Variants in UBASH3B observed in about 807,000 individuals in gnomAD.
The protein encoded by UBASH3B is ubiquitin associated and SH3 domain containing B.
In UBASH3B, 37 loss-of-function variants were observed where a neutral mutation model predicts 83.4. That is an observed-to-expected ratio of 0.44 (90% CI 0.34 to 0.58). The LOEUF (loss-of-function observed/expected upper bound fraction) is 0.58, where lower values mean the gene tolerates loss of function less well. UBASH3B is among the 20% of genes least tolerant of loss of function. The pLI, the probability that UBASH3B is intolerant of heterozygous loss-of-function variation, is 0.01. For missense variants in UBASH3B, 657 were observed against 827.2 expected, an observed-to-expected ratio of 0.79 and a Z score of 2.52; for synonymous variants, 304 against 318.3, an observed-to-expected ratio of 0.96 and a Z score of 0.48.
intron 1 of UBASH3B, among the ~76,000 whole-genome samples, chr11:122,683,371 G>A (rs956942719): frequency 2.0e-5 from 3 of 151,814 alleles, no homozygotes; most frequent in African/African-American, 7.3e-5. Flanking sequence ...TCCCAGCAGT[G>A]TGGGAGGCCA....
At chr11:122,715,100 C>A (rs566461867) in intron 1 of UBASH3B, among the ~76,000 whole-genome samples, 1 of 152,134 alleles carries the variant, frequency 6.6e-6, no homozygotes, top group Non-Finnish European at 1.5e-5. Context: ...CGCCCACTAC[C>A]ACACCCGGCT....
At chr11:122,701,031 A>G (rs1449573781) in intron 1 of UBASH3B, among the ~76,000 whole-genome samples, 9 of 152,116 alleles carry the variant, frequency 5.9e-5, no homozygotes, top group Admixed American at 5.9e-4. Flanking sequence ...GTTATGGGGT[A>G]TATTTTCTGT....
chr11:122,668,349 T>G (rs1464922005), intron 1 of UBASH3B, among the ~76,000 whole-genome samples: 1 of 152,222 alleles, frequency 6.6e-6, no homozygotes, highest in Non-Finnish European at 1.5e-5. Context: ...ATCTGTTCTC[T>G]GAATTAGCCT....
intron 1 of UBASH3B, among the ~76,000 whole-genome samples, chr11:122,675,158 C>T (rs760859081): frequency 2.6e-5 from 4 of 152,160 alleles, no homozygotes; most frequent in South Asian, 2.1e-4. Flanking sequence ...TTATTAGACC[C>T]GTGTTTATGG....
At chr11:122,664,947 C>T (rs962139803) in intron 1 of UBASH3B, among the ~76,000 whole-genome samples, 13 of 152,206 alleles carry the variant, frequency 8.5e-5, no homozygotes, top group African/African-American at 2.7e-4. Context: ...CTCGCTCTGT[C>T]GCCCAGGCTG....
chr11:122,705,720 T>C (rs1366364734), intron 1 of UBASH3B, among the ~76,000 whole-genome samples: 2 of 152,118 alleles, frequency 1.3e-5, no homozygotes, highest in African/African-American at 4.8e-5. Flanking sequence ...CATGGGGGCA[T>C]CCACTGCCAT....
rs1380161171 is a variant in UBASH3B at position 122,759,381 on chromosome 11, A to G, written c.162-16838A>G. Among the ~76,000 whole-genome samples, 1 of 152,184 alleles carries G rather than the reference A, an allele frequency of 6.6e-6. No individual in the cohort carries two copies. Among genetic ancestry groups the G allele is most frequent in the African/African-American group, 2.4e-5 (1 of 41,438 alleles). On this transcript the variant is annotated intron_variant, in intron 1 of 13. Transcript: ENST00000284273. This position sits in a 1 kb window ranked among gnomAD's most constrained non-coding sequence, Gnocchi z 4.1. ...ACCAGGAACCGGTTTTGTGGAAGAC[A>G]GTTTTTCCACTGACCCGGGTGGTGG...
chr11:122,784,832 C>G (rs577277093), intron 5 of UBASH3B, among the ~76,000 whole-genome samples: 1 of 152,202 alleles, frequency 6.6e-6, no homozygotes, highest in Non-Finnish European at 1.5e-5. Flanking sequence ...GTGATGTCCT[C>G]CTTTTGAGTC....
At chr11:122,805,508 G>A (rs375135591) in intron 11 of UBASH3B, among the ~76,000 whole-genome samples, 1 of 151,980 alleles carries the variant, frequency 6.6e-6, no homozygotes, top group South Asian at 2.1e-4. Context: ...CTCCGGCCTG[G>A]GCAACAAGAG....
Position 122,806,119 on chromosome 11 carries a change from A to T in UBASH3B, c.1596-291A>T, listed in dbSNP as rs1861336056. Among the ~76,000 whole-genome samples, 1 of 152,156 alleles carries T rather than the reference A, an allele frequency of 6.6e-6. No homozygotes were observed. Among genetic ancestry groups the T allele is most frequent in the South Asian group, 2.1e-4 (1 of 4,828 alleles). ...TTGTATTAGCTATGTGACTAGGACC[A>T]TCCATCAATGGCTTATTTGTTATCC... is the stretch of plus-strand genomic sequence containing the variant. On this transcript the variant is annotated intron_variant, in intron 11 of 13. Transcript: ENST00000284273. The surrounding 1 kb of genome is among the most constrained non-coding windows in gnomAD (Gnocchi z 4.0).
At position 122,754,874 on chromosome 11, in the gene UBASH3B, C is replaced by A. The variant is rs548182543; in HGVS notation, c.162-21345C>A. On this transcript the variant is annotated intron_variant, in intron 1 of 13. Coordinates refer to ENST00000284273, the MANE Select transcript of UBASH3B (RefSeq NM_032873.5). ...GTTGGAGGACTTGCCCAAGGTCATA[C>A]CGCTAGTGACAGAGCAGGACTAGAC... Among the ~76,000 whole-genome samples, 35 of 152,300 alleles carry A rather than the reference C, an allele frequency of 2.3e-4. No homozygotes were observed. The South Asian group carries it at 2.5e-3, about 11-fold the overall frequency.
At chr11:122,700,644 T>C (rs6589944) in intron 1 of UBASH3B, among the ~76,000 whole-genome samples, 123,185 of 151,842 alleles carry the variant, frequency 0.81, 50,946 homozygotes, top group East Asian at 0.95. Flanking sequence ...TTACAGGTGC[T>C]CACCACCACA....
chr11:122,703,435 A>G (rs7127418), intron 1 of UBASH3B, among the ~76,000 whole-genome samples: 4,168 of 152,180 alleles, frequency 0.027, 183 homozygotes, highest in African/African-American at 0.095. Flanking sequence ...TCAAAAAAAA[A>G]AAAGAAAGAA....
At chr11:122,755,688 C>T (rs961632064) in intron 1 of UBASH3B, among the ~76,000 whole-genome samples, 15 of 152,172 alleles carry the variant, frequency 9.9e-5, no homozygotes, top group East Asian at 1.9e-4. Context: ...TGACTCATTT[C>T]GGATCCTCCT....
chr11:122,795,244 G>T (rs1367055009), intron 7 of UBASH3B, among the ~76,000 whole-genome samples: 2 of 152,194 alleles, frequency 1.3e-5, no homozygotes, highest in Non-Finnish European at 2.9e-5. Context: ...GGAGATGGAA[G>T]GAGGCAGGGA....
At chr11:122,671,733 G>C (rs1863595572) in intron 1 of UBASH3B, among the ~76,000 whole-genome samples, 1 of 152,166 alleles carries the variant, frequency 6.6e-6, no homozygotes, top group Non-Finnish European at 1.5e-5. Context: ...GAAGAGCGGT[G>C]GGACACCAGG....
At chr11:122,659,879 G>A (rs960405077) in intron 1 of UBASH3B, among the ~76,000 whole-genome samples, 2 of 152,056 alleles carry the variant, frequency 1.3e-5, no homozygotes, top group South Asian at 2.1e-4. Flanking sequence ...GGTGGTGTGC[G>A]GCACCAAGAA....
chr11:122,698,222 T>A (rs951428977), intron 1 of UBASH3B, among the ~76,000 whole-genome samples: 1 of 152,174 alleles, frequency 6.6e-6, no homozygotes, highest in African/African-American at 2.4e-5. Context: ...TCGTATTAGA[T>A]GAAAAGTTGT....
In UBASH3B at chr11:122,755,704, C is replaced by A. The variant is rs529427430; in HGVS notation, c.162-20515C>A. 2.3e-4 allele frequency among the ~76,000 whole-genome samples: 35 copies of A among 152,302 alleles called. 1 individual carries two copies. The South Asian group carries it at 7.2e-3, about 32-fold the overall frequency. On this transcript the variant is annotated intron_variant, in intron 1 of 13. Coordinates refer to ENST00000284273, the MANE Select transcript of UBASH3B (RefSeq NM_032873.5). ...GACTCATTTCGGATCCTCCTCTGAA[C>A]TGGGGACAGAAGTCAAATTAGGCTT...
Sources: allele counts gnomAD v4.1 joint callset (sites outside exome capture counted in the v4.1 genomes callset), GRCh38; gene constraint gnomAD v4.1.1; non-coding constraint Gnocchi (gnomAD v3.1); transcripts MANE v1.5; gene names NCBI Gene and HGNC (gene_info 2026-07-23, HGNC 2026-07-21).